Variants in SPIDR observed in about 807,000 individuals in gnomAD.
SPIDR encodes the protein DNA repair-scaffolding protein.
In SPIDR, 93 loss-of-function variants were observed where a neutral mutation model predicts 104.6. The ratio of observed to expected loss-of-function variants is 0.89; its 90% CI spans 0.75 to 1.06. The LOEUF is 1.06. Ranked by LOEUF, SPIDR falls within the 50% of genes least tolerant of loss-of-function variation. The pLI is 0.00. For missense variants in SPIDR, 1,154 were observed against 1,111.2 expected, an observed-to-expected ratio of 1.04 and a Z score of -0.55; for synonymous variants, 431 against 416.9, an observed-to-expected ratio of 1.03 and a Z score of -0.41.
chr8:47,473,898 C>A (rs1372371774), intron 8 of SPIDR, among the ~76,000 whole-genome samples: 1 of 152,118 alleles, frequency 6.6e-6, no homozygotes, highest in African/African-American at 2.4e-5. Flanking sequence ...AGCTAAGATA[C>A]AAATGGTTGG....
chr8:47,428,462 T>C (rs2066796790), intron 7 of SPIDR, among the ~76,000 whole-genome samples: 1 of 152,224 alleles, frequency 6.6e-6, no homozygotes. Context: ...ATACATATGA[T>C]CTAATCTAAG....
At chr8:47,362,324 C>G (rs2154290005) in intron 5 of SPIDR, among the ~76,000 whole-genome samples, 1 of 152,304 alleles carries the variant, frequency 6.6e-6, no homozygotes, top group South Asian at 2.1e-4. Flanking sequence ...TGAAAACTCC[C>G]TAAGTGCTAT....
intron 5 of SPIDR, among the ~76,000 whole-genome samples, chr8:47,300,900 G>C (rs979575308): frequency 1.6e-4 from 24 of 152,200 alleles, no homozygotes; most frequent in Admixed American, 3.9e-4. Context: ...GTGTGGTGTG[G>C]TACTGAGAAG....
chr8:47,726,272 C>G lies in SPIDR; in HGVS notation c.2342-928C>G, dbSNP rs555263183. Among the ~76,000 whole-genome samples the G allele has an allele frequency of 4.6e-5, 7 of 152,310 alleles. No homozygotes were observed. In the South Asian group the frequency reaches 1.4e-3, roughly 32 times the overall value. On this transcript the variant is annotated intron_variant, in intron 16 of 19. Transcript: ENST00000297423. Reference sequence around the variant, plus strand: ...CATGAATGCACTTTAATAAACCAAGCCTACTCATTCTCATACTTCTGTTTT... The same window carrying G: ...CATGAATGCACTTTAATAAACCAAGGCTACTCATTCTCATACTTCTGTTTT...
intron 10 of SPIDR, among the ~76,000 whole-genome samples, chr8:47,611,298 C>T (rs2063570428): frequency 6.6e-6 from 1 of 152,110 alleles, no homozygotes; most frequent in Non-Finnish European, 1.5e-5. Flanking sequence ...ACCAAGGTCC[C>T]TGAAGAATAT....
chr8:47,433,315 A>C (rs1024519750), intron 7 of SPIDR, among the ~76,000 whole-genome samples: 1 of 152,118 alleles, frequency 6.6e-6, no homozygotes, highest in African/African-American at 2.4e-5. Flanking sequence ...TGTCCTCTTC[A>C]GTCTGTTCTC....
At chr8:47,262,274 A>G (rs1732218055) in intron 1 of SPIDR, among the ~76,000 whole-genome samples, 2 of 152,120 alleles carry the variant, frequency 1.3e-5, no homozygotes, top group African/African-American at 4.8e-5. Flanking sequence ...GTATTTTTGA[A>G]TTGACGTTCA....
intron 8 of SPIDR, among the ~76,000 whole-genome samples, chr8:47,567,806 G>A (rs1327891417): frequency 1.4e-5 from 1 of 73,624 alleles, no homozygotes; most frequent in Admixed American, 2.1e-4. Context: ...TTTTTTTTGA[G>A]ACAGAGTCTT....
intron 8 of SPIDR, among the ~76,000 whole-genome samples, chr8:47,586,638 T>G (rs1429571789): frequency 6.6e-6 from 1 of 152,220 alleles, no homozygotes; most frequent in African/African-American, 2.4e-5. Context: ...TAGTCCTTTC[T>G]TGGTATGTGG....
chr8:47,482,083 G>T (rs1475366479), intron 8 of SPIDR, among the ~76,000 whole-genome samples: 1 of 152,182 alleles, frequency 6.6e-6, no homozygotes. Context: ...TGTTGAGCGT[G>T]GTCAGTGGGT....
intron 5 of SPIDR, among the ~76,000 whole-genome samples, chr8:47,308,583 G>T (rs1299066485): frequency 1.3e-5 from 2 of 149,466 alleles, no homozygotes; most frequent in East Asian, 4.1e-4. Context: ...ACTCCCAAAA[G>T]GGAAAAAGAG....
At chr8:47,349,362 G>T (rs1300647919) in intron 5 of SPIDR, among the ~76,000 whole-genome samples, 1 of 152,180 alleles carries the variant, frequency 6.6e-6, no homozygotes, top group East Asian at 1.9e-4. Context: ...GGGGCACCCG[G>T]CTGTATGAGG....
intron 5 of SPIDR, among the ~76,000 whole-genome samples, chr8:47,333,851 C>T (rs1470922575): frequency 6.6e-6 from 1 of 152,128 alleles, no homozygotes; most frequent in African/African-American, 2.4e-5. Flanking sequence ...ACAAGACCAG[C>T]GTTGTATATG....
At chr8:47,422,930 C>T (rs997535926) in intron 7 of SPIDR, among the ~76,000 whole-genome samples, 1 of 152,068 alleles carries the variant, frequency 6.6e-6, no homozygotes, top group Non-Finnish European at 1.5e-5. Context: ...TTGTTGGTGG[C>T]TTCTAGTACA....
intron 8 of SPIDR, among the ~76,000 whole-genome samples, chr8:47,455,857 A>C (rs2072862771): frequency 6.6e-6 from 1 of 152,178 alleles, no homozygotes; most frequent in South Asian, 2.1e-4. Flanking sequence ...AAAATATATG[A>C]AGTAAAAATG....
intron 8 of SPIDR, among the ~76,000 whole-genome samples, chr8:47,502,943 A>G (rs772498040): frequency 2.6e-5 from 4 of 152,102 alleles, no homozygotes; most frequent in Non-Finnish European, 4.4e-5. Flanking sequence ...GTAGTTGAGC[A>G]GTTTTGAGTG....
chr8:47,486,757 A>G (rs1395995977), intron 8 of SPIDR, among the ~76,000 whole-genome samples: 1 of 152,246 alleles, frequency 6.6e-6, no homozygotes, highest in Non-Finnish European at 1.5e-5. Flanking sequence ...ACTACGCTTC[A>G]TAAGTGAAGG....
At chr8:47,569,249 G>A (rs1007058130) in intron 8 of SPIDR, among the ~76,000 whole-genome samples, 4 of 151,996 alleles carry the variant, frequency 2.6e-5, no homozygotes, top group South Asian at 2.1e-4. Context: ...CCTAACAAAG[G>A]TGCCCCAGAA....
chr8:47,515,996 A>G (rs2083076119), intron 8 of SPIDR, among the ~76,000 whole-genome samples: 1 of 152,178 alleles, frequency 6.6e-6, no homozygotes, highest in African/African-American at 2.4e-5. Flanking sequence ...TTTTTAGTAG[A>G]TACAGGGTTT....
Sources: gnomAD v4.1 joint callset for allele counts (sites outside exome capture counted in the v4.1 genomes callset) on GRCh38, gnomAD v4.1.1 for gene constraint, MANE v1.5 for transcripts, NCBI Gene and HGNC (gene_info 2026-07-23, HGNC 2026-07-21) for gene names.